Variants in KCNIP4 observed in about 807,000 individuals in gnomAD.
KCNIP4 encodes the protein Kv channel-interacting protein 4.
In KCNIP4, 12 loss-of-function variants were observed where a neutral mutation model predicts 34.0. That is an observed-to-expected ratio of 0.35 (90% CI 0.23 to 0.57). KCNIP4 has a LOEUF of 0.57. KCNIP4 is among the 20% of genes least tolerant of loss of function. The pLI, the probability that KCNIP4 is intolerant of heterozygous loss-of-function variation, is 0.83. For missense variants in KCNIP4, 238 were observed against 311.7 expected, an observed-to-expected ratio of 0.76 and a Z score of 1.78; for synonymous variants, 124 against 102.2, an observed-to-expected ratio of 1.21 and a Z score of -1.29.
At chr4:21,750,180 G>A (rs936256053) in intron 1 of KCNIP4, among the ~76,000 whole-genome samples, 3 of 152,060 alleles carry the variant, frequency 2.0e-5, no homozygotes, top group Admixed American at 6.6e-5. Context: ...GTAGCCACTG[G>A]TGATCAGATC....
At chr4:21,169,705 T>TGTGTGTGTG (rs1560778126) in intron 1 of KCNIP4, among the ~76,000 whole-genome samples, 1 of 149,960 alleles carries the variant, frequency 6.7e-6, no homozygotes, top group African/African-American at 2.5e-5. Context: ...TGTGTGTGTG[T>TGTGTGTGTG]TTTATAGTGC....
chr4:21,039,776 A>T (rs968596466), intron 1 of KCNIP4, among the ~76,000 whole-genome samples: 1 of 152,192 alleles, frequency 6.6e-6, no homozygotes, highest in African/African-American at 2.4e-5. Context: ...AGCTAATTTT[A>T]GATCCTCAAT....
chr4:21,416,118 T>C (rs570213813), intron 1 of KCNIP4, among the ~76,000 whole-genome samples: 8 of 152,384 alleles, frequency 5.2e-5, no homozygotes, highest in African/African-American at 1.4e-4. Context: ...AGGGAGGTTT[T>C]ATTTAATTAG....
At chr4:21,173,727 G>A (rs752625406) in intron 1 of KCNIP4, among the ~76,000 whole-genome samples, 5 of 152,166 alleles carry the variant, frequency 3.3e-5, no homozygotes, top group Non-Finnish European at 7.3e-5. Context: ...GCAGCAAGCC[G>A]TGGACCCCAC....
intron 1 of KCNIP4, among the ~76,000 whole-genome samples, chr4:21,173,929 C>G (rs974652841): frequency 6.6e-6 from 1 of 152,168 alleles, no homozygotes; most frequent in South Asian, 2.1e-4. Context: ...TGCTAAGGAG[C>G]CTTTCTTATC....
intron 1 of KCNIP4, among the ~76,000 whole-genome samples, chr4:21,504,591 G>A (rs927336801): frequency 6.6e-6 from 1 of 152,038 alleles, no homozygotes; most frequent in African/African-American, 2.4e-5. Flanking sequence ...ATGAATCTCT[G>A]TGTGGCTGAT....
At chr4:21,404,021 A>G (rs574666461) in intron 1 of KCNIP4, among the ~76,000 whole-genome samples, 176 of 152,206 alleles carry the variant, frequency 1.2e-3, no homozygotes, top group Admixed American at 2.0e-3. Flanking sequence ...AGGCATTCAA[A>G]CCGTAGCCCA....
chr4:20,755,851 T>A (rs1020658071), intron 4 of KCNIP4, among the ~76,000 whole-genome samples: 20 of 152,058 alleles, frequency 1.3e-4, no homozygotes, highest in Admixed American at 1.2e-3. Context: ...GCTGGTGTGC[T>A]GGTGGGATGG....
chr4:20,988,000 C>CAAAAAAAAAAAAAAAAAA (rs36044149), intron 1 of KCNIP4, among the ~76,000 whole-genome samples: 1,365 of 46,196 alleles, frequency 0.03, 174 homozygotes, highest in East Asian at 0.04. Flanking sequence ...GATTCCATCT[C>CAAAAAAAAAAAAAAAAAA]AAAAAAAAAA....
chr4:21,200,709 C>T (rs147057808), intron 1 of KCNIP4, among the ~76,000 whole-genome samples: 188 of 151,536 alleles, frequency 1.2e-3, no homozygotes, highest in African/African-American at 4.0e-3. Context: ...TCTGGTGATG[C>T]GTACATTAAA....
intron 1 of KCNIP4, among the ~76,000 whole-genome samples, chr4:21,008,985 T>C (rs913136327): frequency 5.9e-5 from 9 of 151,974 alleles, no homozygotes; most frequent in Admixed American, 2.0e-4. Context: ...GTCTGCCTTA[T>C]GTATTTTGCA....
chr4:21,338,488 T>A (rs1716411015), intron 1 of KCNIP4, among the ~76,000 whole-genome samples: 1 of 151,238 alleles, frequency 6.6e-6, no homozygotes, highest in South Asian at 2.1e-4. Context: ...GTTCTTGTAG[T>A]CCCCGCTACT....
chr4:20,797,556 A>G (rs1713640332), intron 3 of KCNIP4, among the ~76,000 whole-genome samples: 1 of 152,252 alleles, frequency 6.6e-6, no homozygotes, highest in South Asian at 2.1e-4. Flanking sequence ...CTTAAGACAG[A>G]GAATTTATCC....
intron 1 of KCNIP4, among the ~76,000 whole-genome samples, chr4:21,038,885 C>A (rs899562845): frequency 6.6e-6 from 1 of 151,572 alleles, no homozygotes; most frequent in African/African-American, 2.4e-5. Flanking sequence ...ACTCAGTGTT[C>A]CAGCTCCTTC....
intron 3 of KCNIP4, among the ~76,000 whole-genome samples, chr4:20,818,531 T>C (rs893937628): frequency 6.6e-6 from 1 of 152,142 alleles, no homozygotes; most frequent in African/African-American, 2.4e-5. Context: ...TTTTGGAAGC[T>C]GCAAACCTCC....
At chr4:20,839,403 T>C (rs28652634) in intron 3 of KCNIP4, among the ~76,000 whole-genome samples, 2,367 of 151,376 alleles carry the variant, frequency 0.016, 63 homozygotes, top group African/African-American at 0.055. Flanking sequence ...TCTATACACA[T>C]AGATATAAGA....
At chr4:21,659,070 C>T (rs1748214561) in intron 1 of KCNIP4, among the ~76,000 whole-genome samples, 1 of 152,128 alleles carries the variant, frequency 6.6e-6, no homozygotes, top group African/African-American at 2.4e-5. Flanking sequence ...ATTAGATCAG[C>T]CACCTGTAGA....
At chr4:21,386,111 G>A (rs981286780) in intron 1 of KCNIP4, among the ~76,000 whole-genome samples, 3 of 152,126 alleles carry the variant, frequency 2.0e-5, no homozygotes, top group African/African-American at 7.2e-5. Context: ...AAACAATAAA[G>A]AAATTAACTA....
At chr4:21,849,540 G>T (rs1325446859) in intron 1 of KCNIP4, 1 of 152,026 alleles carries the variant, frequency 6.6e-6, no homozygotes, top group Non-Finnish European at 1.5e-5. Context: ...TGCTCACATC[G>T]TCCCAGCAGA....
Sources: gnomAD v4.1 joint callset for allele counts (sites outside exome capture counted in the v4.1 genomes callset) on GRCh38, gnomAD v4.1.1 for gene constraint, MANE v1.5 for transcripts, NCBI Gene and HGNC (gene_info 2026-07-23, HGNC 2026-07-21) for gene names.